Variants in NOM1 observed in about 807,000 individuals in gnomAD.
NOM1 encodes nucleolar MIF4G domain-containing protein 1.
NOM1 carries 58 observed loss-of-function variants against 73.3 expected under a neutral mutation model. That is an observed-to-expected ratio of 0.79 (90% CI 0.64 to 0.99). NOM1 has a LOEUF of 0.99. NOM1 is among the 50% of genes least tolerant of loss of function. The probability of loss-of-function intolerance (pLI) is 0.00; values close to 1 mark genes in which losing one functional copy is unlikely to be tolerated. For missense variants in NOM1, 1,226 were observed against 1,131.9 expected (o/e 1.08, Z -1.19); for synonymous variants, 487 against 446.8 (o/e 1.09, Z -1.14).
rs772683699 is a variant in NOM1, at chr7:156,950,245, G to T, written c.508G>T (p.Ala170Ser). The change falls in exon 1 of 11, where the codon GCC becomes TCC. Residue 170 changes from alanine to serine, a missense_variant. By Grantham distance (99) the Ala-to-Ser change is moderately conservative. Coordinates refer to ENST00000275820, the MANE Select transcript of NOM1 (RefSeq NM_138400.2). ...TRPSAAATAAARKRALLAANE... is the reference protein window; with the variant it reads ...TRPSAAATAASRKRALLAANE... ...ACCCTCCGCAGCCGCCACCGCCGCT[G>T]CCCGGAAACGGGCGCTTTTAGCGGC... is the stretch of plus-strand genomic sequence containing the variant. 2.5e-6 allele frequency: 4 copies of T among 1,613,248 alleles called. No homozygotes were observed. Among genetic ancestry groups the T allele is most frequent in the Non-Finnish European group, 3.4e-6 (4 of 1,179,682 alleles).
chr7:156,950,004 G>C lies in NOM1; in HGVS notation c.267G>C (p.Lys89Asn), dbSNP rs1177655083. The part of the protein sequence containing the change: ...RKSRKELRKE[K>N]RHLRKARRLQ... ...GCCGTAAGGAACTGAGGAAGGAGAA[G>C]CGGCACCTGCGGAAAGCACGCCGGC... The change falls in exon 1 of 11, where the codon AAG becomes AAC. Residue 89 changes from lysine to asparagine, a missense_variant. Transcript: ENST00000275820. 6.5e-7 allele frequency: 1 copy of C among 1,540,674 alleles called. No individual in the cohort carries two copies. The highest frequency in any genetic ancestry group is 1.4e-5 in the African/African-American group (1 of 73,046).
intron 10 of NOM1, 75 bp from the exon 11 acceptor site, chr7:156,969,454 A>C: frequency 7.9e-7 from 1 of 1,263,116 alleles, no homozygotes; most frequent in Non-Finnish European, 1.1e-6. Flanking sequence ...ATGTCTCACT[A>C]TGCGAGATAC....
intron 3 of NOM1, among the ~76,000 whole-genome samples, chr7:156,957,795 A>AAAAAAGAAAAAG (rs1563681006): frequency 1.4e-5 from 2 of 147,772 alleles, no homozygotes; most frequent in African/African-American, 2.5e-5. Context: ...AAAAAAAAAA[A>AAAAAAGAAAAAG]AAAAAGAAAA....
intron 4 of NOM1, among the ~76,000 whole-genome samples, chr7:156,961,602 C>T (rs1419617049): frequency 3.3e-5 from 5 of 152,108 alleles, no homozygotes; most frequent in South Asian, 4.1e-4. Flanking sequence ...TTAAAAGCCA[C>T]ATAATTATAT....
At chr7:156,954,737 G>A (rs1804680689) in intron 3 of NOM1, among the ~76,000 whole-genome samples, 1 of 151,972 alleles carries the variant, frequency 6.6e-6, no homozygotes, top group African/African-American at 2.4e-5. Flanking sequence ...AAATTCCTGG[G>A]CTCCAGTGAT....
In NOM1 at chr7:156,972,546, T is replaced by TA. The variant is rs1223491465; in HGVS notation, c.*2844dup. 6.6e-6 allele frequency: 1 copy of TA among 152,288 alleles called. No individual in the cohort carries two copies. The highest frequency in any genetic ancestry group is 1.5e-5 in the Non-Finnish European group (1 of 68,074). The allele number at this position is 152,288 out of a possible 1,614,324, so 9.4% of individuals were successfully genotyped here. ...TGTAAGTCTGTTCATTTTAACAACA[T>TA]ACAGGGCTGGGCACGGTGGCTCACG... On this transcript the variant is annotated 3_prime_UTR_variant, in exon 11 of 11. Coordinates refer to ENST00000275820, the MANE Select transcript of NOM1 (RefSeq NM_138400.2).
chr7:156,966,981 A>G lies in NOM1; in HGVS notation c.2187A>G (p.Ile729Met), dbSNP rs116288979. Residue 729 changes from isoleucine (I) to methionine (M), a missense_variant, in exon 9 of 11, where the codon ATA becomes ATG. By Grantham distance (10) the Ile-to-Met change is conservative. Coordinates refer to ENST00000275820, the MANE Select transcript of NOM1 (RefSeq NM_138400.2). ...ACTAGATGACTTTCCAGTTCAGCAT[A>G]TGGGACAAATTTCGGGACTTGGAAA... Reference protein sequence around the residue: ...RRFQMTFQFSIWDKFRDLENL... With the variant: ...RRFQMTFQFSMWDKFRDLENL... 302 of 1,613,870 alleles carry G rather than the reference A, an allele frequency of 1.9e-4. 2 individuals carry two copies. The African/African-American group carries it at 3.4e-3, about 18-fold the overall frequency.
chr7:156,959,919 G>GA lies in NOM1; in HGVS notation c.1380dup (p.Glu461ArgfsTer3), dbSNP rs1381404223. On this transcript the variant is annotated frameshift_variant, in exon 4 of 11. Coordinates refer to ENST00000275820, the MANE Select transcript of NOM1 (RefSeq NM_138400.2). LOFTEE classifies it high-confidence loss of function. ...CCATCTATAAATACGGAAGCGAAGG[G>GA]AAAGAGTGTGACAACCTGTTCACCG... 1 of 1,614,194 alleles carries GA rather than the reference G, an allele frequency of 6.2e-7. No homozygotes were observed. The highest frequency in any genetic ancestry group is 2.2e-5 in the East Asian group (1 of 44,888).
chr7:156,949,755 C>A lies in NOM1; in HGVS notation c.18C>A (p.Ser6Arg), dbSNP rs762408384. The A allele has an allele frequency of 4.3e-6, 6 of 1,393,934 alleles. No individual in the cohort carries two copies. Among genetic ancestry groups the A allele is most frequent in the Non-Finnish European group, 3.7e-6 (4 of 1,079,788 alleles). 86.3% of individuals were successfully genotyped at this position (1,393,934 alleles called of 1,614,324 possible). MAASR[S>R]AGEAGPGGSQ... ...TTCGAAAGATGGCGGCGTCCAGGAG[C>A]GCGGGAGAGGCCGGCCCGGGCGGCT... The change falls in exon 1 of 11, where the codon AGC (serine) becomes AGA (arginine). Residue 6 changes from serine to arginine, a missense_variant. By Grantham distance (110) the Ser-to-Arg change is moderately radical (BLOSUM62 -1). Coordinates refer to ENST00000275820, the MANE Select transcript of NOM1 (RefSeq NM_138400.2).
chr7:156,959,815 G>C, intron 3 of NOM1, 36 bp from the exon 4 acceptor site: 1 of 1,589,366 alleles, frequency 6.3e-7, no homozygotes, highest in South Asian at 1.1e-5. Context: ...AGGTTTCTAG[G>C]AATAACATAA....
chr7:156,954,522 C>CTTTTT (rs34176770), intron 3 of NOM1, among the ~76,000 whole-genome samples: 32 of 101,644 alleles, frequency 3.1e-4, no homozygotes, highest in African/African-American at 8.3e-4. Context: ...TCTGTCCATT[C>CTTTTT]TTTTTTTTTT....
At position 156,969,726 on chromosome 7, in the gene NOM1, T is replaced by C. The variant is rs1191762457; in HGVS notation, c.*23T>C. ...TAGTCAGGGAAGGAAGGAGGGCAGG[T>C]GGCCCTTTGACTGTAAAATGTCCTT... is the stretch of plus-strand genomic sequence containing the variant. On this transcript the variant is annotated 3_prime_UTR_variant, in exon 11 of 11. Transcript: ENST00000275820. 6.3e-7 allele frequency: 1 copy of C among 1,590,238 alleles called. No homozygotes were observed. The highest frequency in any genetic ancestry group is 2.2e-5 in the East Asian group (1 of 44,478).
At chr7:156,959,502 A>G (rs944307220) in intron 3 of NOM1, among the ~76,000 whole-genome samples, 2 of 152,116 alleles carry the variant, frequency 1.3e-5, no homozygotes, top group Non-Finnish European at 1.5e-5. Flanking sequence ...TCCGCCTCCT[A>G]AATTGCTGGG....
chr7:156,963,750 G>C, intron 6 of NOM1, 155 bp from the exon 7 acceptor site: 3 of 725,044 alleles, frequency 4.1e-6, no homozygotes, highest in African/African-American at 1.8e-5. Context: ...TGTTCCCCTT[G>C]CACAGAGGGG....
intron 5 of NOM1, 97 bp downstream of exon 5, chr7:156,962,358 G>T: frequency 1.0e-6 from 1 of 971,848 alleles, no homozygotes; most frequent in Non-Finnish European, 1.6e-6. Flanking sequence ...TGCACGTCAG[G>T]GTGGTGTCTG....
chr7:156,962,654 G>T (rs1353504628), intron 5 of NOM1, among the ~76,000 whole-genome samples: 2 of 152,198 alleles, frequency 1.3e-5, no homozygotes, highest in Non-Finnish European at 2.9e-5. Flanking sequence ...CAGCCTCCCT[G>T]TTGGAGTGAG....
At chr7:156,963,321 C>T (rs527932395) in intron 6 of NOM1, 146 bp downstream of exon 6, 2 of 743,250 alleles carry the variant, frequency 2.7e-6, no homozygotes, top group Non-Finnish European at 4.6e-6. Context: ...ACAGAAATTG[C>T]TATTAATATT....
At chr7:156,952,162 G>C (rs1804609631) in intron 1 of NOM1, among the ~76,000 whole-genome samples, 2 of 152,204 alleles carry the variant, frequency 1.3e-5, no homozygotes, top group Non-Finnish European at 2.9e-5. Flanking sequence ...AAGCGCAGTA[G>C]ATAGGGCTCT....
At chr7:156,956,251 G>A (rs909234770) in intron 3 of NOM1, among the ~76,000 whole-genome samples, 1 of 152,128 alleles carries the variant, frequency 6.6e-6, no homozygotes, top group Admixed American at 6.5e-5. Context: ...TGTCACTGGG[G>A]CTTCTGTGCT....
Sources: gnomAD v4.1 joint callset for allele counts (sites outside exome capture counted in the v4.1 genomes callset) on GRCh38, gnomAD v4.1.1 for gene constraint, MANE v1.5 for transcripts, NCBI Gene and HGNC (gene_info 2026-07-23, HGNC 2026-07-21) for gene names.